MCTP1: variants seen among roughly 807,000 people sequenced by gnomAD.
MCTP1 encodes the protein multiple C2 and transmembrane domain-containing protein 1.
A neutral mutation model predicts 120.6 loss-of-function variants in MCTP1; 69 were observed. That is an observed-to-expected ratio of 0.57 (90% CI 0.47 to 0.70). The LOEUF (loss-of-function observed/expected upper bound fraction) is 0.70. Among genes scored for constraint, MCTP1 ranks in the 30% least tolerant of loss-of-function variants. MCTP1 has a pLI of 0.00. For missense variants in MCTP1, 1,203 were observed against 1,248.8 expected, an observed-to-expected ratio of 0.96 and a Z score of 0.55; for synonymous variants, 529 against 493.1, an observed-to-expected ratio of 1.07 and a Z score of -0.96.
intron 1 of MCTP1, among the ~76,000 whole-genome samples, chr5:95,213,213 C>A (rs1303916700): frequency 6.6e-6 from 1 of 152,082 alleles, no homozygotes; most frequent in Non-Finnish European, 1.5e-5. Flanking sequence ...TTGTTATACA[C>A]CAGTAACAGA....
In MCTP1 at chr5:95,238,414, T is replaced by C. The variant is rs57971050; in HGVS notation, c.720+45442A>G. Among the ~76,000 whole-genome samples the C allele has an allele frequency of 6.2e-3, 942 of 152,334 alleles. 11 individuals carry two copies. Among genetic ancestry groups the C allele is most frequent in the African/African-American group, 0.021 (866 of 41,576 alleles). On this transcript the variant is annotated intron_variant, in intron 1 of 22. Transcript: ENST00000515393. Reference sequence around the variant, plus strand: ...CATTCTGATATTTCTATCTCTCTGCTTTATGTTGATTTTATACTTTTGCAT... The same window carrying C: ...CATTCTGATATTTCTATCTCTCTGCCTTATGTTGATTTTATACTTTTGCAT...
chr5:95,096,163 A>G (rs936914767), intron 1 of MCTP1, among the ~76,000 whole-genome samples: 1 of 152,254 alleles, frequency 6.6e-6, no homozygotes, highest in South Asian at 2.1e-4. Flanking sequence ...CCTGTGCCAC[A>G]TAAGAGTACT....
intron 2 of MCTP1, among the ~76,000 whole-genome samples, chr5:95,001,010 G>A (rs1185152649): frequency 6.6e-6 from 1 of 152,192 alleles, no homozygotes; most frequent in Non-Finnish European, 1.5e-5. Context: ...ACTGAATCAT[G>A]TCGGCAGTTT....
chr5:94,839,440 T>A (rs548458156), intron 17 of MCTP1, among the ~76,000 whole-genome samples: 2 of 152,140 alleles, frequency 1.3e-5, no homozygotes, highest in Admixed American at 1.3e-4. Context: ...AACTCCAGGG[T>A]TGACACAGCA....
At chr5:95,146,245 T>C (rs1760384304) in intron 1 of MCTP1, among the ~76,000 whole-genome samples, 1 of 152,160 alleles carries the variant, frequency 6.6e-6, no homozygotes, top group South Asian at 2.1e-4. Flanking sequence ...GCCACCTTTG[T>C]CATTTCTGAT....
intron 2 of MCTP1, among the ~76,000 whole-genome samples, chr5:95,003,037 A>G (rs1834026190): frequency 6.6e-6 from 1 of 152,142 alleles, no homozygotes; most frequent in African/African-American, 2.4e-5. Context: ...ATGGTTTTAT[A>G]AGCATCTGAC....
intron 17 of MCTP1, among the ~76,000 whole-genome samples, chr5:94,835,440 A>C (rs963461630): frequency 2.0e-5 from 3 of 152,336 alleles, no homozygotes; most frequent in African/African-American, 7.2e-5. Context: ...GGAATGAGTT[A>C]CAATAGCCAG....
At chr5:94,816,330 T>C (rs1031172062) in intron 17 of MCTP1, among the ~76,000 whole-genome samples, 8 of 152,154 alleles carry the variant, frequency 5.3e-5, no homozygotes, top group Non-Finnish European at 1.2e-4. Flanking sequence ...AGTAATTATG[T>C]GTTGGCCCCT....
At chr5:95,245,010 C>G (rs1436936924) in intron 1 of MCTP1, among the ~76,000 whole-genome samples, 1 of 152,152 alleles carries the variant, frequency 6.6e-6, no homozygotes, top group Non-Finnish European at 1.5e-5. Flanking sequence ...TGTTCTGCAG[C>G]CTCCACCTGT....
chr5:94,874,799 TTC>T (rs766825979), intron 12 of MCTP1, among the ~76,000 whole-genome samples: 35 of 152,278 alleles, frequency 2.3e-4, no homozygotes, highest in Non-Finnish European at 4.1e-4. Context: ...CAACTTTATT[TTC>T]TCCCACGGAA....
chr5:95,010,132 T>A (rs2153655490), intron 2 of MCTP1, among the ~76,000 whole-genome samples: 1 of 152,284 alleles, frequency 6.6e-6, no homozygotes, highest in South Asian at 2.1e-4. Context: ...TTTTCATTAA[T>A]TCTAATAGTT....
intron 7 of MCTP1, among the ~76,000 whole-genome samples, chr5:94,923,246 G>A (rs561991495): frequency 6.6e-6 from 1 of 152,244 alleles, no homozygotes; most frequent in South Asian, 2.1e-4. Context: ...AATATCTATT[G>A]TTACATTAAG....
At chr5:94,872,885 T>C (rs922996952) in intron 13 of MCTP1, among the ~76,000 whole-genome samples, 1 of 151,912 alleles carries the variant, frequency 6.6e-6, no homozygotes, top group African/African-American at 2.4e-5. Context: ...GGAAGCAAAA[T>C]CCTTAGCCAA....
chr5:95,270,473 G>C (rs989734735), intron 1 of MCTP1, among the ~76,000 whole-genome samples: 9 of 152,184 alleles, frequency 5.9e-5, no homozygotes, highest in African/African-American at 1.9e-4. Context: ...ATTAATATTA[G>C]TTATGAAGTG....
chr5:95,145,339 C>T (rs1394320548), intron 1 of MCTP1, among the ~76,000 whole-genome samples: 1 of 152,052 alleles, frequency 6.6e-6, no homozygotes, highest in Non-Finnish European at 1.5e-5. Context: ...ATATATTCAG[C>T]AGAGGGAGAT....
chr5:94,986,988 C>A (rs1422452126), intron 2 of MCTP1, among the ~76,000 whole-genome samples: 1 of 152,146 alleles, frequency 6.6e-6, no homozygotes, highest in African/African-American at 2.4e-5. Context: ...TACTTCAAAT[C>A]ATCTCTAGAT....
At chr5:94,926,452 C>G (rs1813149034) in intron 6 of MCTP1, among the ~76,000 whole-genome samples, 1 of 152,072 alleles carries the variant, frequency 6.6e-6, no homozygotes, top group South Asian at 2.1e-4. Context: ...CACTGTTCAT[C>G]AAAACAATGG....
intron 1 of MCTP1, among the ~76,000 whole-genome samples, chr5:95,100,128 TGGGGGGA>T (rs1756615064): frequency 1.3e-5 from 1 of 78,546 alleles, no homozygotes; most frequent in Non-Finnish European, 2.3e-5. Context: ...TGTTGTGGGG[TGGGGGGA>T]GGGGGGAGGG....
At chr5:95,225,758 C>A (rs570423368) in intron 1 of MCTP1, among the ~76,000 whole-genome samples, 1 of 152,232 alleles carries the variant, frequency 6.6e-6, no homozygotes, top group South Asian at 2.1e-4. Flanking sequence ...TGTCTAAGGA[C>A]ATTTCCCTCT....
Sources: gnomAD v4.1 joint callset for allele counts (sites outside exome capture counted in the v4.1 genomes callset) on GRCh38, gnomAD v4.1.1 for gene constraint, MANE v1.5 for transcripts, NCBI Gene and HGNC (gene_info 2026-07-23, HGNC 2026-07-21) for gene names.